ITPKB: variants seen among roughly 807,000 people sequenced by gnomAD.
The protein encoded by ITPKB is IP3 3-kinase B.
ITPKB carries 13 observed loss-of-function variants against 69.4 expected under a neutral mutation model. That is an observed-to-expected ratio of 0.19 (90% CI 0.12 to 0.30). The LOEUF (loss-of-function observed/expected upper bound fraction) is 0.30. Ranked by LOEUF, ITPKB falls within the 10% of genes least tolerant of loss-of-function variation. ITPKB has a pLI of 1.00. For synonymous variants in ITPKB, 584 were observed against 513.7 expected (o/e 1.14, Z -1.85); for missense variants, 1,240 against 1,250.5 (o/e 0.99, Z 0.13).
chr1:226,643,274 G>A (rs189024528), intron 4 of ITPKB, among the ~76,000 whole-genome samples: 5 of 152,272 alleles, frequency 3.3e-5, no homozygotes, highest in East Asian at 3.9e-4. Context: ...ACAGCTCTGC[G>A]CTTCTACCTT....
chr1:226,690,908 A>G (rs1656333898), intron 2 of ITPKB, among the ~76,000 whole-genome samples: 1 of 152,256 alleles, frequency 6.6e-6, no homozygotes, highest in African/African-American at 2.4e-5. Flanking sequence ...ATTCTGACAC[A>G]TGCTACAACA....
chr1:226,690,297 G>C (rs1028937824), intron 2 of ITPKB, among the ~76,000 whole-genome samples: 1 of 152,112 alleles, frequency 6.6e-6, no homozygotes. Flanking sequence ...GCCAGGCACC[G>C]GGCAACAGCT....
chr1:226,658,066 G>C (rs1669330280), intron 2 of ITPKB, among the ~76,000 whole-genome samples: 1 of 152,238 alleles, frequency 6.6e-6, no homozygotes, highest in South Asian at 2.1e-4. Flanking sequence ...AATTTGTTCT[G>C]TGTCAAAGCC....
chr1:226,686,534 T>G (rs1329915598), intron 2 of ITPKB, among the ~76,000 whole-genome samples: 1 of 152,334 alleles, frequency 6.6e-6, no homozygotes, highest in East Asian at 1.9e-4. Flanking sequence ...CCAAAGCTCC[T>G]GCCCTGCCTC....
chr1:226,688,302 G>A (rs575735463), intron 2 of ITPKB, among the ~76,000 whole-genome samples: 1 of 152,258 alleles, frequency 6.6e-6, no homozygotes, highest in African/African-American at 2.4e-5. Flanking sequence ...ATGCAAAGAC[G>A]AATTAGACAA....
chr1:226,647,089 G>A (rs1669077563), intron 4 of ITPKB, 78 bp downstream of exon 4: 2 of 1,350,304 alleles, frequency 1.5e-6, no homozygotes, highest in African/African-American at 2.9e-5. Context: ...CCTCCGGGAA[G>A]CCCTGAGTGC....
In ITPKB at chr1:226,637,786, G is replaced by A. The variant is rs150804526; in HGVS notation, c.2554-36C>T. 2,262 of 1,520,700 alleles carry A rather than the reference G, an allele frequency of 1.5e-3. 20 individuals carry two copies. The African/African-American group carries it at 0.026, about 18-fold the overall frequency. The allele number at this position is 1,520,700 out of a possible 1,614,324, so 94.2% of individuals were successfully genotyped here. A position where few individuals can be genotyped will look rare whatever the true frequency, so the allele number is the denominator to read the frequency against. The stretch of plus-strand genomic sequence containing the variant: ...AAAGAGGACCAGATTTTTAAGCGCC[G>A]CGTGGGGAAGGGCAGTGTCAGAACA... On this transcript the variant is annotated intron_variant, in intron 6 of 7. Transcript: ENST00000429204. This position sits in a 1 kb window ranked among gnomAD's most constrained non-coding sequence, Gnocchi z 4.3.
At chr1:226,695,157 G>A (rs1656446734) in intron 2 of ITPKB, among the ~76,000 whole-genome samples, 2 of 152,174 alleles carry the variant, frequency 1.3e-5, no homozygotes, top group East Asian at 3.9e-4. Flanking sequence ...TTGAACCCGG[G>A]AGGCGGAGGT....
chr1:226,718,290 CA>C (rs60739828), intron 2 of ITPKB, among the ~76,000 whole-genome samples: 24,281 of 96,360 alleles, frequency 0.25, 2,335 homozygotes, highest in East Asian at 0.43. Context: ...CAAGACTTCT[CA>C]AAAAAAAAAA....
intron 2 of ITPKB, among the ~76,000 whole-genome samples, chr1:226,734,529 C>T (rs913018923): frequency 6.6e-6 from 1 of 152,150 alleles, no homozygotes; most frequent in African/African-American, 2.4e-5. Flanking sequence ...ATAGCACAAC[C>T]ACCCCTGGCA....
In ITPKB at chr1:226,634,563, G is replaced by C; in HGVS notation, c.*108C>G. On this transcript the variant is annotated 3_prime_UTR_variant, in exon 8 of 8. Transcript: ENST00000429204. The surrounding 1 kb of genome is among the most constrained non-coding windows in gnomAD (Gnocchi z 6.3). ...CTTCTACAAAGTGTCTTGTAGTGCA[G>C]TTCAGGAGGGTCAGTCAGGTGTAAG... is the stretch of plus-strand genomic sequence containing the variant. The C allele has an allele frequency of 1.5e-6, 1 of 647,834 alleles. No homozygotes were observed. Among genetic ancestry groups the C allele is most frequent in the East Asian group, 2.7e-5 (1 of 36,802 alleles). 40.1% of individuals were successfully genotyped at this position (647,834 alleles called of 1,614,324 possible).
intron 2 of ITPKB, among the ~76,000 whole-genome samples, chr1:226,667,725 G>A (rs1468568204): frequency 6.6e-6 from 1 of 152,142 alleles, no homozygotes; most frequent in Non-Finnish European, 1.5e-5. Context: ...GAATTCAGAA[G>A]AGGAAGCTAT....
chr1:226,713,268 T>C (rs1657017442), intron 2 of ITPKB, among the ~76,000 whole-genome samples: 1 of 152,172 alleles, frequency 6.6e-6, no homozygotes, highest in African/African-American at 2.4e-5. Context: ...TTGCTGCCTG[T>C]GTCCCCTTCC....
In ITPKB at chr1:226,738,725, C is replaced by G. The variant is rs906071436; in HGVS notation, c.-206+316G>C. Reference sequence around the variant, plus strand: ...CGGAGCGCAGGGCTTCTCCGCATCCCGGGCAGCCTCGCCCGGCGCCAGCAG... The same window carrying G: ...CGGAGCGCAGGGCTTCTCCGCATCCGGGGCAGCCTCGCCCGGCGCCAGCAG... On this transcript the variant is annotated intron_variant, in intron 1 of 7. Transcript: ENST00000429204. This position sits in a 1 kb window ranked among gnomAD's most constrained non-coding sequence, Gnocchi z 4.2. Among the ~76,000 whole-genome samples the G allele has an allele frequency of 2.0e-5, 3 of 152,306 alleles. No individual in the cohort carries two copies. Among genetic ancestry groups the G allele is most frequent in the Admixed American group, 6.5e-5 (1 of 15,310 alleles).
At chr1:226,732,102 C>CAAAAA (rs532778037) in intron 2 of ITPKB, among the ~76,000 whole-genome samples, 1 of 76,288 alleles carries the variant, frequency 1.3e-5, no homozygotes, top group African/African-American at 4.7e-5. Flanking sequence ...TAGTCAACAT[C>CAAAAA]AAAAAAAAAA....
intron 2 of ITPKB, among the ~76,000 whole-genome samples, chr1:226,688,429 A>G (rs1395873374): frequency 2.6e-5 from 4 of 151,996 alleles, no homozygotes; most frequent in Non-Finnish European, 1.5e-5. Context: ...CACAGAACCC[A>G]AGCCAAGAGT....
intron 2 of ITPKB, among the ~76,000 whole-genome samples, chr1:226,723,954 T>C (rs1224859964): frequency 1.3e-5 from 2 of 152,174 alleles, no homozygotes; most frequent in Non-Finnish European, 2.9e-5. Context: ...GACAATTAGC[T>C]GTACTTGGGA....
chr1:226,673,196 A>AC (rs1238366744), intron 2 of ITPKB, among the ~76,000 whole-genome samples: 3 of 151,746 alleles, frequency 2.0e-5, no homozygotes, highest in Non-Finnish European at 4.4e-5. Context: ...ACATGGTGAG[A>AC]CCCCTTGTCT....
chr1:226,634,587 A>G lies in ITPKB; in HGVS notation c.*84T>C. 1 of 680,504 alleles carries G rather than the reference A, an allele frequency of 1.5e-6. No homozygotes were observed. Among genetic ancestry groups the G allele is most frequent in the Admixed American group, 2.1e-5 (1 of 48,560 alleles). The allele number at this position is 680,504 out of a possible 1,614,324, so 42.2% of individuals were successfully genotyped here. On this transcript the variant is annotated 3_prime_UTR_variant, in exon 8 of 8. Transcript: ENST00000429204. This position sits in a 1 kb window ranked among gnomAD's most constrained non-coding sequence, Gnocchi z 6.3. Reference sequence around the variant, plus strand: ...AGTTCAGGAGGGTCAGTCAGGTGTAAGTGAAGGAAAAGTTAGGAACGAGAA... The same window carrying G: ...AGTTCAGGAGGGTCAGTCAGGTGTAGGTGAAGGAAAAGTTAGGAACGAGAA...
Sources: gnomAD v4.1 joint callset for allele counts (sites outside exome capture counted in the v4.1 genomes callset) on GRCh38, gnomAD v4.1.1 for gene constraint, Gnocchi (gnomAD v3.1) non-coding constraint, MANE v1.5 for transcripts, NCBI Gene and HGNC (gene_info 2026-07-23, HGNC 2026-07-21) for gene names.